The following SPINK9 variants were observed in gnomAD, a reference collection of about 807,000 sequenced individuals.
SPINK9 encodes serine peptidase inhibitor Kazal type 9.
Under a neutral mutation model 10.8 loss-of-function variants are expected in SPINK9, and 3 were observed. The ratio of observed to expected loss-of-function variants is 0.28; its 90% CI spans 0.13 to 0.72. SPINK9 has a LOEUF of 0.72. Among genes scored for constraint, SPINK9 ranks in the 30% least tolerant of loss-of-function variants. The pLI, the probability that SPINK9 is intolerant of heterozygous loss-of-function variation, is 0.74. For missense variants in SPINK9, 101 were observed against 103.2 expected (o/e 0.98, Z 0.09); for synonymous variants, 30 against 31.2 (o/e 0.96, Z 0.12).
chr5:148,327,942 T>G (rs1757088376), intron 2 of SPINK9, among the ~76,000 whole-genome samples: 1 of 151,640 alleles, frequency 6.6e-6, no homozygotes, highest in Admixed American at 6.6e-5. Flanking sequence ...GGTAGCATGA[T>G]GCCTCCAGCT....
At chr5:148,326,138 G>T (rs1256189775) in intron 2 of SPINK9, among the ~76,000 whole-genome samples, 3 of 152,070 alleles carry the variant, frequency 2.0e-5, no homozygotes, top group Non-Finnish European at 2.9e-5. Flanking sequence ...ACAGATATAT[G>T]AAAAAATGCT....
At chr5:148,329,419 G>C (rs1275830336) in intron 2 of SPINK9, among the ~76,000 whole-genome samples, 1 of 151,944 alleles carries the variant, frequency 6.6e-6, no homozygotes, top group East Asian at 1.9e-4. Flanking sequence ...AGTCTTGCTA[G>C]CCGTCTATCA....
upstream of SPINK9, among the ~76,000 whole-genome samples, chr5:148,334,711 CAA>C (rs573443240): frequency 7.2e-6 from 1 of 138,648 alleles, no homozygotes; most frequent in Admixed American, 7.3e-5. Flanking sequence ...ACTCTGTCTC[CAA>C]AAAAAAAAAG....
chr5:148,335,739 C>T, intron 1 of SPINK9, 71 bp downstream of exon 1: 1 of 1,523,102 alleles, frequency 6.6e-7, no homozygotes, highest in Non-Finnish European at 9.0e-7. Flanking sequence ...CTATGTAATT[C>T]TGGGATATAT....
At chr5:148,322,130 A>T (rs1757006179) in intron 1 of SPINK9, among the ~76,000 whole-genome samples, 1 of 152,232 alleles carries the variant, frequency 6.6e-6, no homozygotes, top group African/African-American at 2.4e-5. Flanking sequence ...ATTTGACTTT[A>T]TACCCCATAT....
upstream of SPINK9, among the ~76,000 whole-genome samples, chr5:148,330,793 G>A (rs1757138214): frequency 6.6e-6 from 1 of 152,114 alleles, no homozygotes; most frequent in South Asian, 2.1e-4. Context: ...ATGAAATTCT[G>A]GGTTGAAAAT....
intron 1 of SPINK9, 123 bp downstream of exon 1, chr5:148,335,791 A>G: frequency 8.4e-7 from 1 of 1,194,264 alleles, no homozygotes; most frequent in Non-Finnish European, 1.2e-6. Context: ...TTTTAAAATG[A>G]ATCTTTTGCC....
At chr5:148,328,027 T>C (rs1757089991) in intron 2 of SPINK9, among the ~76,000 whole-genome samples, 1 of 151,864 alleles carries the variant, frequency 6.6e-6, no homozygotes, top group Admixed American at 6.6e-5. Context: ...AAGTAGTTTT[T>C]TCCAATTCTG....
At chr5:148,332,799 TTC>T (rs1339226976), upstream of SPINK9, among the ~76,000 whole-genome samples, 1 of 152,142 alleles carries the variant, frequency 6.6e-6, no homozygotes, top group Admixed American at 6.5e-5. Context: ...ACTTGGATTT[TTC>T]TACTTGCTCT....
chr5:148,337,370 C>T (rs1216331169), intron 2 of SPINK9, among the ~76,000 whole-genome samples: 1 of 152,138 alleles, frequency 6.6e-6, no homozygotes. Context: ...GCTCCACTAA[C>T]CTTAGCCCGA....
chr5:148,339,021 G>A (rs940016812), intron 3 of SPINK9, among the ~76,000 whole-genome samples: 4 of 152,086 alleles, frequency 2.6e-5, no homozygotes, highest in African/African-American at 9.7e-5. Flanking sequence ...TAGCAACTAG[G>A]CTTGGATATG....
Position 148,338,527 on chromosome 5 carries a change from G to T in SPINK9, c.137G>T (p.Cys46Phe), listed in dbSNP as rs1581191246. 1.9e-6 allele frequency: 3 copies of T among 1,609,802 alleles called. No homozygotes were observed. Among genetic ancestry groups the T allele is most frequent in the Non-Finnish European group, 2.5e-6 (3 of 1,178,000 alleles). The change falls in exon 3 of 4, where the codon TGT becomes TTT. Residue 46 changes from cysteine to phenylalanine, a missense_variant. Transcript: ENST00000377906. ...KKLPPGQQRF[C>F]HHMYDPICGS... is the part of the protein sequence containing the mutation. ...TTACCACCAGGACAACAGAGATTTT[G>T]TCATCATATGTATGATCCAATTTGT...
At chr5:148,323,949 CT>C in intron 2 of SPINK9, 1 of 620,252 alleles carries the variant, frequency 1.6e-6, no homozygotes, top group Middle Eastern at 2.5e-4. Flanking sequence ...ATAATCACCC[CT>C]AATTAGACAT....
chr5:148,326,962 C>G (rs529435700), intron 2 of SPINK9, among the ~76,000 whole-genome samples: 4 of 151,764 alleles, frequency 2.6e-5, no homozygotes, highest in Non-Finnish European at 5.9e-5. Context: ...TGAATAATGC[C>G]GCAATAAACA....
chr5:148,322,644 C>T (rs76986610), intron 1 of SPINK9, among the ~76,000 whole-genome samples: 6,211 of 152,220 alleles, frequency 0.041, 433 homozygotes, highest in African/African-American at 0.14. Flanking sequence ...TGACCTAGTA[C>T]GTATATCTAT....
chr5:148,338,739 T>C, intron 3 of SPINK9, 134 bp downstream of exon 3: 2 of 588,924 alleles, frequency 3.4e-6, no homozygotes, highest in South Asian at 7.5e-5. Flanking sequence ...ACCTTCCAGT[T>C]GGTAGAATTT....
exon 1 of SPINK9, chr5:148,321,330 A>T (rs1419186396): frequency 6.6e-6 from 1 of 152,162 alleles, no homozygotes; most frequent in Non-Finnish European, 1.5e-5. Context: ...ATGGAGCTGA[A>T]AGCCAAGGCT....
In SPINK9 at chr5:148,335,628, C is replaced by T; in HGVS notation, c.15C>T (p.Ala5=). The T allele has an allele frequency of 8.1e-6, 13 of 1,613,668 alleles. No individual in the cohort carries two copies. The highest frequency in any genetic ancestry group is 1.1e-5 in the Non-Finnish European group (13 of 1,179,822). MRAT[A]IVLLLALTLA... is the part of the protein sequence containing the mutation. ...ACTTCAGTACTATGAGAGCAACAGC[C>T]ATAGTCCTACTCTTGGCTCTGACAC... is the stretch of plus-strand genomic sequence containing the variant. The change falls in exon 1 of 4, where the codon GCC becomes GCT. Residue 5 remains alanine (A), a synonymous_variant. Transcript: ENST00000377906.
At chr5:148,323,911 T>C (rs1320127534) in intron 2 of SPINK9, 4 of 670,650 alleles carry the variant, frequency 6.0e-6, no homozygotes, top group Non-Finnish European at 1.1e-5. Flanking sequence ...TCTAAAGTAT[T>C]TCTTTCCTTA....
Sources: gnomAD v4.1 joint callset for allele counts (sites outside exome capture counted in the v4.1 genomes callset) on GRCh38, gnomAD v4.1.1 for gene constraint, MANE v1.5 for transcripts, NCBI Gene and HGNC (gene_info 2026-07-23, HGNC 2026-07-21) for gene names.